Variants in LRP1B observed in about 807,000 individuals in gnomAD.
The protein encoded by LRP1B is low-density lipoprotein receptor-related protein 1B.
A neutral mutation model predicts 556.6 loss-of-function variants in LRP1B; 217 were observed. That is an observed-to-expected ratio of 0.39 (90% CI 0.35 to 0.44). The LOEUF is 0.44. LRP1B is among the 20% of genes least tolerant of loss of function. The pLI is 1.00. For missense variants in LRP1B, 5,053 were observed against 5,620.8 expected, an observed-to-expected ratio of 0.90 and a Z score of 3.23; for synonymous variants, 2,047 against 1,865.8, an observed-to-expected ratio of 1.10 and a Z score of -2.50.
intron 10 of LRP1B, among the ~76,000 whole-genome samples, chr2:141,053,786 C>T (rs2105453153): frequency 6.6e-6 from 1 of 151,172 alleles, no homozygotes; most frequent in Middle Eastern, 3.4e-3. Flanking sequence ...GTTTTTCCTC[C>T]AATGTGTGTA....
chr2:140,387,758 T>C (rs1683825375), intron 66 of LRP1B, among the ~76,000 whole-genome samples: 1 of 152,126 alleles, frequency 6.6e-6, no homozygotes, highest in Admixed American at 6.6e-5. Flanking sequence ...TGTTACATTC[T>C]GCACACCTCA....
intron 80 of LRP1B, 81 bp downstream of exon 80, chr2:140,325,681 A>T (rs926368856): frequency 6.8e-6 from 6 of 882,358 alleles, no homozygotes; most frequent in Non-Finnish European, 1.0e-5. Context: ...TGCAAAGTAA[A>T]GTATCCATAC....
intron 2 of LRP1B, among the ~76,000 whole-genome samples, chr2:141,773,590 T>C (rs1046100700): frequency 2.0e-5 from 3 of 152,360 alleles, no homozygotes; most frequent in Admixed American, 1.3e-4. Flanking sequence ...ACTCAAGACA[T>C]GGCACCTCTT....
chr2:140,446,988 GA>G (rs1686687280), intron 63 of LRP1B, among the ~76,000 whole-genome samples: 1 of 151,680 alleles, frequency 6.6e-6, no homozygotes, highest in African/African-American at 2.4e-5. Flanking sequence ...AAAACTCACT[GA>G]AAAATGAGCT....
At chr2:142,075,326 T>A (rs1705458286) in intron 1 of LRP1B, among the ~76,000 whole-genome samples, 1 of 152,114 alleles carries the variant, frequency 6.6e-6, no homozygotes, top group Admixed American at 6.6e-5. Flanking sequence ...GTAAGTAATT[T>A]ATTAAACTGT....
intron 1 of LRP1B, among the ~76,000 whole-genome samples, chr2:142,024,620 G>GTTTTTTTTTTTTTTTTTTTTTTTTTTTT (rs3041443): frequency 7.6e-6 from 1 of 131,028 alleles, no homozygotes; most frequent in Non-Finnish European, 1.6e-5. Flanking sequence ...CAGCTGAAAT[G>GTTTTTTTTTTTTTTTTTTTTTTTTTTTT]TTTTTTTTTT....
chr2:140,717,028 T>C (rs1687237389), intron 35 of LRP1B, among the ~76,000 whole-genome samples: 1 of 152,066 alleles, frequency 6.6e-6, no homozygotes, highest in African/African-American at 2.4e-5. Flanking sequence ...CAAATGATTT[T>C]TGAAGTATTT....
chr2:141,170,910 GT>G (rs1680474693), intron 7 of LRP1B, among the ~76,000 whole-genome samples: 1 of 152,104 alleles, frequency 6.6e-6, no homozygotes, highest in Non-Finnish European at 1.5e-5. Flanking sequence ...AGAAAAGATA[GT>G]TTTATTCTGA....
intron 23 of LRP1B, among the ~76,000 whole-genome samples, chr2:140,895,455 A>C (rs1160954755): frequency 2.0e-5 from 3 of 152,028 alleles, no homozygotes; most frequent in African/African-American, 7.2e-5. Context: ...TGGGAAGGGG[A>C]GAAGGCAGGT....
chr2:141,037,551 G>A (rs1217791358), intron 11 of LRP1B, among the ~76,000 whole-genome samples: 1 of 152,006 alleles, frequency 6.6e-6, no homozygotes, highest in East Asian at 1.9e-4. Flanking sequence ...ACATTCTATA[G>A]GATAGTAGGC....
At position 140,357,953 on chromosome 2, in the gene LRP1B, C is replaced by A. The variant is rs772436397; in HGVS notation, c.11395+26G>T. 4.4e-6 allele frequency: 7 copies of A among 1,596,200 alleles called. No individual in the cohort carries two copies. In the African/African-American group the frequency reaches 9.4e-5, roughly 21 times the overall value. On this transcript the variant is annotated intron_variant, in intron 74 of 90. Coordinates refer to ENST00000389484, the MANE Select transcript of LRP1B (RefSeq NM_018557.3). ...GAAGTTAGACTTGTGTATCCCGGTG[C>A]TTTGCTTAACAGAAAACAAGCTCAC...
intron 6 of LRP1B, among the ~76,000 whole-genome samples, chr2:141,210,533 T>C (rs893149570): frequency 6.6e-6 from 1 of 152,120 alleles, no homozygotes; most frequent in Non-Finnish European, 1.5e-5. Context: ...TGACTTATGA[T>C]AAAAAGAGCA....
At chr2:140,672,160 T>C (rs1207469282) in intron 41 of LRP1B, among the ~76,000 whole-genome samples, 2 of 152,150 alleles carry the variant, frequency 1.3e-5, no homozygotes, top group Admixed American at 1.3e-4. Flanking sequence ...GTTATAGACA[T>C]TTCTGTTCAA....
chr2:141,962,906 C>T (rs1701442769), intron 1 of LRP1B, among the ~76,000 whole-genome samples: 1 of 151,788 alleles, frequency 6.6e-6, no homozygotes, highest in South Asian at 2.1e-4. Flanking sequence ...ATTACATATG[C>T]ATTTTTCATA....
At chr2:141,124,017 GA>G (rs746410958) in intron 7 of LRP1B, among the ~76,000 whole-genome samples, 1 of 152,234 alleles carries the variant, frequency 6.6e-6, no homozygotes, top group Non-Finnish European at 1.5e-5. Context: ...GAGTGAATAA[GA>G]GGGAGAGAGA....
intron 41 of LRP1B, among the ~76,000 whole-genome samples, chr2:140,602,435 TAC>T (rs1363010787): frequency 1.3e-5 from 2 of 152,106 alleles, no homozygotes. Flanking sequence ...ATCAAATTAT[TAC>T]ACTTTTCCTA....
At chr2:140,262,077 A>C (rs1367766232) in intron 86 of LRP1B, among the ~76,000 whole-genome samples, 1 of 152,014 alleles carries the variant, frequency 6.6e-6, no homozygotes, top group Non-Finnish European at 1.5e-5. Context: ...TTAAAAAAAA[A>C]GATCAGAAGA....
At chr2:141,117,202 T>A (rs1409792813) in intron 7 of LRP1B, among the ~76,000 whole-genome samples, 1 of 151,232 alleles carries the variant, frequency 6.6e-6, no homozygotes, top group African/African-American at 2.4e-5. Context: ...TAATATTGCC[T>A]CTGTAGGATA....
intron 1 of LRP1B, among the ~76,000 whole-genome samples, chr2:141,821,417 C>T (rs1364151873): frequency 6.6e-6 from 1 of 152,178 alleles, no homozygotes; most frequent in Non-Finnish European, 1.5e-5. Flanking sequence ...ACATGATCTA[C>T]TTTTACATAA....
Sources: allele counts gnomAD v4.1 joint callset (sites outside exome capture counted in the v4.1 genomes callset), GRCh38; gene constraint gnomAD v4.1.1; transcripts MANE v1.5; gene names NCBI Gene and HGNC (gene_info 2026-07-23, HGNC 2026-07-21).